Variants in ZPBP observed in about 807,000 individuals in gnomAD.
ZPBP encodes the protein zona pellucida binding protein, also known as zona pellucida-binding protein 1.
A neutral mutation model predicts 44.8 loss-of-function variants in ZPBP; 26 were observed. The observed-to-expected ratio is 0.58, with a 90% confidence interval of 0.43 to 0.81. The LOEUF (loss-of-function observed/expected upper bound fraction) is 0.81, where lower values mean the gene tolerates loss of function less well. Ranked by LOEUF, ZPBP falls within the 30% of genes least tolerant of loss-of-function variation. ZPBP has a pLI of 0.00. For missense variants in ZPBP, 409 were observed against 434.0 expected, an observed-to-expected ratio of 0.94 and a Z score of 0.51; for synonymous variants, 174 against 153.2, an observed-to-expected ratio of 1.14 and a Z score of -1.00.
chr7:49,950,518 GTAA>G (rs1795295869), intron 7 of ZPBP, among the ~76,000 whole-genome samples: 1 of 151,590 alleles, frequency 6.6e-6, no homozygotes, highest in Admixed American at 6.6e-5. Context: ...GTAAGTTTTA[GTAA>G]TAATTATAGA....
At chr7:50,000,451 A>G (rs1359216257) in intron 6 of ZPBP, among the ~76,000 whole-genome samples, 1 of 152,192 alleles carries the variant, frequency 6.6e-6, no homozygotes, top group Non-Finnish European at 1.5e-5. Flanking sequence ...CCTATTAAGT[A>G]GAGATCTGCA....
At chr7:49,870,391 C>T (rs867117738) in intron 2 of ZPBP, among the ~76,000 whole-genome samples, 6 of 152,154 alleles carry the variant, frequency 3.9e-5, no homozygotes, top group Admixed American at 1.3e-4. Context: ...CGCAGTGAGA[C>T]TCCGTCTCAA....
At chr7:49,982,276 T>TA (rs1491472488) in intron 7 of ZPBP, among the ~76,000 whole-genome samples, 8 of 104,238 alleles carry the variant, frequency 7.7e-5, no homozygotes, top group African/African-American at 2.3e-4. Flanking sequence ...TTATATATAA[T>TA]TTATAATTAT....
At chr7:49,870,553 C>T (rs562518408) in intron 2 of ZPBP, among the ~76,000 whole-genome samples, 1 of 152,164 alleles carries the variant, frequency 6.6e-6, no homozygotes, top group East Asian at 1.9e-4. Context: ...GGAGTGGTGA[C>T]TGGCACTTAC....
At chr7:50,013,048 A>C (rs1421527208) in intron 6 of ZPBP, among the ~76,000 whole-genome samples, 1 of 151,954 alleles carries the variant, frequency 6.6e-6, no homozygotes, top group Non-Finnish European at 1.5e-5. Context: ...CCCACAAAAA[A>C]CTTAGGAATA....
chr7:50,033,195 G>C (rs1029256640), intron 4 of ZPBP, among the ~76,000 whole-genome samples: 8 of 151,822 alleles, frequency 5.3e-5, no homozygotes, highest in African/African-American at 1.9e-4. Context: ...GATTTCTTCT[G>C]AATTGAGAAA....
intron 3 of ZPBP, among the ~76,000 whole-genome samples, chr7:50,077,922 T>C (rs1802178096): frequency 6.6e-6 from 1 of 151,722 alleles, no homozygotes; most frequent in African/African-American, 2.4e-5. Flanking sequence ...AATCAATATA[T>C]TGAAGAGGTA....
intron 3 of ZPBP, among the ~76,000 whole-genome samples, chr7:50,076,432 T>TA (rs1802084300): frequency 6.6e-6 from 1 of 151,788 alleles, no homozygotes; most frequent in South Asian, 2.1e-4. Context: ...TCAGACAAGA[T>TA]AGATACAAAG....
intron 3 of ZPBP, among the ~76,000 whole-genome samples, chr7:50,075,478 T>C (rs1040216634): frequency 1.2e-4 from 18 of 151,970 alleles, no homozygotes; most frequent in African/African-American, 4.1e-4. Flanking sequence ...AACAAAAAGT[T>C]GGTTTTTTGA....
At chr7:49,876,070 G>A (rs1413865908) in intron 2 of ZPBP, among the ~76,000 whole-genome samples, 2 of 152,122 alleles carry the variant, frequency 1.3e-5, no homozygotes, top group African/African-American at 4.8e-5. Flanking sequence ...ATTGTTCAGA[G>A]TTTGTGGTTT....
chr7:49,944,042 C>T (rs557841437), intron 7 of ZPBP: 9 of 254,150 alleles, frequency 3.5e-5, no homozygotes, highest in African/African-American at 1.9e-4. Context: ...GTATCAGGAA[C>T]GTGCACCTTT....
chr7:50,003,742 T>A (rs1798189799), intron 6 of ZPBP, among the ~76,000 whole-genome samples: 1 of 152,008 alleles, frequency 6.6e-6, no homozygotes, highest in Non-Finnish European at 1.5e-5. Flanking sequence ...ACTAAGCCAG[T>A]CCACAGAGAC....
intron 1 of ZPBP, chr7:49,914,150 C>T (rs1241054998): frequency 6.6e-6 from 1 of 152,210 alleles, no homozygotes; most frequent in Admixed American, 6.5e-5. Flanking sequence ...ATAAATGGCC[C>T]TAGCCCCCAT....
chr7:50,008,623 C>T (rs1798422768), intron 6 of ZPBP, among the ~76,000 whole-genome samples: 1 of 151,944 alleles, frequency 6.6e-6, no homozygotes. Flanking sequence ...AAACTTACTA[C>T]AAAGTTACAG....
intron 6 of ZPBP, among the ~76,000 whole-genome samples, chr7:49,986,263 T>A (rs1285188463): frequency 6.6e-6 from 1 of 152,196 alleles, no homozygotes; most frequent in Non-Finnish European, 1.5e-5. Context: ...GGGTCAGGAA[T>A]GTCAACCTTG....
chr7:50,088,592 C>A (rs2136071), intron 2 of ZPBP, among the ~76,000 whole-genome samples: 1 of 151,904 alleles, frequency 6.6e-6, no homozygotes, highest in South Asian at 2.1e-4. Flanking sequence ...AATTTAAAAA[C>A]GGGCAAAGGA....
At chr7:50,019,222 C>A (rs1416480008) in intron 5 of ZPBP, among the ~76,000 whole-genome samples, 1 of 151,976 alleles carries the variant, frequency 6.6e-6, no homozygotes, top group Non-Finnish European at 1.5e-5. Flanking sequence ...ATTTATCTAC[C>A]AATCTTGACA....
chr7:49,879,813 G>A (rs1280967945), intron 2 of ZPBP, among the ~76,000 whole-genome samples: 2 of 151,958 alleles, frequency 1.3e-5, no homozygotes, highest in African/African-American at 4.8e-5. Context: ...GATCACAATT[G>A]TCAGTGGATA....
intron 1 of ZPBP, among the ~76,000 whole-genome samples, chr7:49,902,043 A>G (rs555871652): frequency 2.6e-5 from 4 of 152,098 alleles, no homozygotes; most frequent in African/African-American, 9.6e-5. Flanking sequence ...AACTTAAAAT[A>G]GATTATATAC....
Sources: gnomAD v4.1 joint callset for allele counts (sites outside exome capture counted in the v4.1 genomes callset) on GRCh38, gnomAD v4.1.1 for gene constraint, MANE v1.5 for transcripts, NCBI Gene and HGNC (gene_info 2026-07-23, HGNC 2026-07-21) for gene names.